RPAIN: variants seen among roughly 807,000 people sequenced by gnomAD.
RPAIN encodes RPA interacting protein, also known as RPA-interacting protein.
In RPAIN, 29 loss-of-function variants were observed where a neutral mutation model predicts 30.5. The observed-to-expected ratio is 0.95, with a 90% CI of 0.71 to 1.30. RPAIN has a LOEUF of 1.30. Among genes scored for constraint, RPAIN ranks in the 50% most tolerant of loss-of-function variants. The pLI is 0.00. For missense variants in RPAIN, 247 were observed against 264.7 expected (o/e 0.93, Z 0.46); for synonymous variants, 101 against 93.5 (o/e 1.08, Z -0.46).
Position 5,432,840 on chromosome 17 carries a change from G to C in RPAIN, c.*269G>C. The C allele has an allele frequency of 2.1e-6, 2 of 935,190 alleles. No homozygotes were observed. Among genetic ancestry groups the C allele is most frequent in the Non-Finnish European group, 3.0e-6 (2 of 658,080 alleles). 57.9% of individuals were successfully genotyped at this position (935,190 alleles called of 1,614,324 possible). A position where few individuals can be genotyped will look rare whatever the true frequency, so the allele number is the denominator to read the frequency against. On this transcript the variant is annotated 3_prime_UTR_variant, in exon 7 of 7. Coordinates refer to ENST00000381209, the MANE Select transcript of RPAIN (RefSeq NM_001033002.4). Reference sequence around the variant, plus strand: ...ACAAAAATCTAGAAATAATAGATTTGTACAGAAAAAAATGATAATAAATGA... The same window carrying C: ...ACAAAAATCTAGAAATAATAGATTTCTACAGAAAAAAATGATAATAAATGA...
At chr17:5,431,618 A>T (rs897952386) in intron 6 of RPAIN, 1 of 456,542 alleles carries the variant, frequency 2.2e-6, no homozygotes, top group East Asian at 6.9e-5. Context: ...GGGGGAATCA[A>T]GGACCATTGT....
At chr17:5,422,531 C>T (rs908676428) in intron 2 of RPAIN, among the ~76,000 whole-genome samples, 1 of 152,170 alleles carries the variant, frequency 6.6e-6, no homozygotes, top group Non-Finnish European at 1.5e-5. Flanking sequence ...TAACTGCTAC[C>T]CTATATCGTC....
At chr17:5,432,443 T>TCA (rs1916073515) in intron 6 of RPAIN, 99 bp from the exon 7 acceptor site, 1 of 1,118,860 alleles carries the variant, frequency 8.9e-7, no homozygotes, top group Non-Finnish European at 1.4e-6. Flanking sequence ...TCAGGAGACC[T>TCA]CATCTAATGT....
intron 6 of RPAIN, chr17:5,431,976 A>T (rs1292468149): frequency 7.4e-6 from 2 of 268,626 alleles, no homozygotes; most frequent in African/African-American, 4.6e-5. Flanking sequence ...CACACAAAAA[A>T]ATTTGCAACC....
intron 5 of RPAIN, chr17:5,426,834 G>A (rs924416598): frequency 6.6e-6 from 1 of 150,674 alleles, no homozygotes; most frequent in Non-Finnish European, 1.5e-5. Flanking sequence ...AGTAGAGATG[G>A]GTTTTCACCA....
chr17:5,429,463 G>T (rs746415919), intron 6 of RPAIN: 3 of 985,294 alleles, frequency 3.0e-6, no homozygotes, highest in Non-Finnish European at 3.6e-6. Context: ...TCAGAGAAGT[G>T]ATGTAATCTG....
intron 6 of RPAIN, chr17:5,431,949 G>A (rs907030137): frequency 2.7e-5 from 7 of 261,454 alleles, no homozygotes; most frequent in East Asian, 2.4e-4. Flanking sequence ...CAAGGTCATC[G>A]CCAAGGTCTG....
rs1914632454 is a variant in RPAIN at position 5,420,382 on chromosome 17, A to AG, written c.81+93dup. On this transcript the variant is annotated intron_variant, in intron 1 of 6. Coordinates refer to ENST00000381209, the MANE Select transcript of RPAIN (RefSeq NM_001033002.4). ...TCGCCTTAGCCCTGCTCCGTGGAGCAGGTGCCGCAGCGCGCCTGGTCTGGT... is the reference window on the plus strand; with the variant it reads ...TCGCCTTAGCCCTGCTCCGTGGAGCAGGGTGCCGCAGCGCGCCTGGTCTGGT... The AG allele has an allele frequency of 2.6e-6, 3 of 1,136,900 alleles. No individual in the cohort carries two copies. The South Asian group carries it at 4.3e-5, about 16-fold the overall frequency. The allele number at this position is 1,136,900 out of a possible 1,614,324, so 70.4% of individuals were successfully genotyped here.
In RPAIN at chr17:5,426,288, A is replaced by T. The variant is rs773628080; in HGVS notation, c.478A>T (p.Ile160Phe). 6.2e-7 allele frequency: 1 copy of T among 1,613,894 alleles called. No individual in the cohort carries two copies. The highest frequency in any genetic ancestry group is 8.5e-7 in the Non-Finnish European group (1 of 1,179,750). ...GVVVCQCGLS[I>F]PSHSSELTEQ... The stretch of plus-strand genomic sequence containing the variant: ...GGTGGTGTGTCAGTGTGGCCTGTCC[A>T]TCCCATCTCATGTGAGTGTTCCACA... Residue 160 changes from isoleucine to phenylalanine, a missense_variant, in exon 5 of 7, where the codon ATC becomes TTC. By Grantham distance (21) the Ile-to-Phe change is conservative. Transcript: ENST00000381209.
At chr17:5,425,548 C>T in intron 3 of RPAIN, 1 of 349,100 alleles carries the variant, frequency 2.9e-6, no homozygotes, top group Non-Finnish European at 5.6e-6. Flanking sequence ...GTTGGCCAGG[C>T]TGGTTTCGAA....
rs1232201911 is a variant in RPAIN at position 5,421,388 on chromosome 17, C to CT, written c.177dup (p.Leu60SerfsTer54). 1 of 1,614,030 alleles carries CT rather than the reference C, an allele frequency of 6.2e-7. No individual in the cohort carries two copies. Among genetic ancestry groups the CT allele is most frequent in the Non-Finnish European group, 8.5e-7 (1 of 1,180,012 alleles). The stretch of plus-strand genomic sequence containing the variant: ...GTGGGCCAGGGAATTCTCAGAACAG[C>CT]TTTCTAGTTCAAGAGGTGATGGAAG... On this transcript the variant is annotated frameshift_variant, in exon 2 of 7. Transcript: ENST00000381209. LOFTEE classifies it high-confidence loss of function.
At chr17:5,423,746 G>A (rs987270752) in intron 3 of RPAIN, among the ~76,000 whole-genome samples, 1 of 152,080 alleles carries the variant, frequency 6.6e-6, no homozygotes, top group African/African-American at 2.4e-5. Flanking sequence ...GATTTGATTA[G>A]GCCTTGTTTG....
At chr17:5,431,975 A>C (rs1317658292) in intron 6 of RPAIN, 12 of 268,372 alleles carry the variant, frequency 4.5e-5, no homozygotes. Context: ...TCACACAAAA[A>C]AATTTGCAAC....
In RPAIN at chr17:5,420,254, T is replaced by G. The variant is rs569550911; in HGVS notation, c.44T>G (p.Leu15Arg). The change falls in exon 1 of 7, where the codon CTG becomes CGG. Residue 15 changes from leucine (L) to arginine (R), a missense_variant. Transcript: ENST00000381209. The part of the protein sequence containing the change: ...LRSPRRSLYK[L>R]VGSPPWKEAF... ...TCTCCGCGCCGCTCCCTGTACAAAC[T>G]GGTGGGCTCGCCGCCTTGGAAAGAG... The G allele has an allele frequency of 6.2e-7, 1 of 1,611,756 alleles. No individual in the cohort carries two copies. Among genetic ancestry groups the G allele is most frequent in the Admixed American group, 1.7e-5 (1 of 59,922 alleles).
At chr17:5,425,663 T>C (rs1597342482) in intron 3 of RPAIN, among the ~76,000 whole-genome samples, 2 of 83,482 alleles carry the variant, frequency 2.4e-5, no homozygotes, top group Non-Finnish European at 5.2e-5. Context: ...GTCAACTTTA[T>C]TTAGTTGCCT....
chr17:5,429,682 C>T (rs1321131174), intron 6 of RPAIN: 1 of 985,358 alleles, frequency 1.0e-6, no homozygotes, highest in African/African-American at 1.7e-5. Flanking sequence ...ATGTTCCCTT[C>T]TGTTCCAGCT....
At chr17:5,425,626 G>A (rs1408151447) in intron 3 of RPAIN, 21 of 359,708 alleles carry the variant, frequency 5.8e-5, no homozygotes, top group Admixed American at 1.3e-4. Flanking sequence ...GTGAGTCACC[G>A]TGCCCGGCCA....
At chr17:5,421,274 C>G (rs752354607) in intron 1 of RPAIN, 22 bp from the exon 2 acceptor site, 3 of 1,571,800 alleles carry the variant, frequency 1.9e-6, no homozygotes, top group East Asian at 2.3e-5. Flanking sequence ...TTTTCCCCCC[C>G]AATCTTGCTC....
intron 6 of RPAIN, chr17:5,429,085 A>G: frequency 2.0e-6 from 2 of 985,324 alleles, no homozygotes; most frequent in South Asian, 9.4e-5. Flanking sequence ...ACTCATTAAC[A>G]TTGAGAAATA....
Sources: gnomAD v4.1 joint callset for allele counts (sites outside exome capture counted in the v4.1 genomes callset) on GRCh38, gnomAD v4.1.1 for gene constraint, MANE v1.5 for transcripts, NCBI Gene and HGNC (gene_info 2026-07-23, HGNC 2026-07-21) for gene names.